Variants in SYNDIG1 observed in about 807,000 individuals in gnomAD.
SYNDIG1 encodes synapse differentiation-inducing gene protein 1.
In SYNDIG1, 9 loss-of-function variants were observed where a neutral mutation model predicts 19.4. That is an observed-to-expected ratio of 0.46 (90% CI 0.28 to 0.81). The LOEUF is 0.81. Among genes scored for constraint, SYNDIG1 ranks in the 30% least tolerant of loss-of-function variants. The pLI is 0.12. For synonymous variants in SYNDIG1, 141 were observed against 145.9 expected (o/e 0.97, Z 0.24); for missense variants, 311 against 343.3 (o/e 0.91, Z 0.74).
chr20:24,609,494 C>T (rs1352421599), intron 3 of SYNDIG1, among the ~76,000 whole-genome samples: 1 of 152,168 alleles, frequency 6.6e-6, no homozygotes, highest in Non-Finnish European at 1.5e-5. Flanking sequence ...TGCATTGTGG[C>T]AGCACTCAAG....
intron 3 of SYNDIG1, among the ~76,000 whole-genome samples, chr20:24,600,270 A>G (rs1274963899): frequency 6.6e-6 from 1 of 152,154 alleles, no homozygotes; most frequent in African/African-American, 2.4e-5. Context: ...CTTTGTGTTT[A>G]TTTATTTGTT....
chr20:24,576,645 G>A (rs2058232591), intron 2 of SYNDIG1, among the ~76,000 whole-genome samples: 1 of 152,158 alleles, frequency 6.6e-6, no homozygotes, highest in South Asian at 2.1e-4. Context: ...TCACAGACAT[G>A]AACTCTACCC....
At chr20:24,470,078 GC>G (rs1192526460) in intron 1 of SYNDIG1, among the ~76,000 whole-genome samples, 1 of 152,212 alleles carries the variant, frequency 6.6e-6, no homozygotes, top group African/African-American at 2.4e-5. Flanking sequence ...ACGCGAAGGG[GC>G]TGCTGTGCGA....
intron 3 of SYNDIG1, among the ~76,000 whole-genome samples, chr20:24,649,392 C>CA (rs1192608784): frequency 2.6e-5 from 4 of 152,184 alleles, no homozygotes. Context: ...TCATCCTTAG[C>CA]AACGATCTTT....
At chr20:24,521,428 A>G (rs1261236611) in intron 1 of SYNDIG1, among the ~76,000 whole-genome samples, 1 of 152,014 alleles carries the variant, frequency 6.6e-6, no homozygotes, top group Admixed American at 6.6e-5. Context: ...TGGCTGCTGT[A>G]TGGTAACTCA....
chr20:24,515,347 T>C (rs2056839465), intron 1 of SYNDIG1, among the ~76,000 whole-genome samples: 1 of 152,160 alleles, frequency 6.6e-6, no homozygotes, highest in Non-Finnish European at 1.5e-5. Flanking sequence ...GCTGGTTTTT[T>C]GAAAAGATCA....
chr20:24,644,419 T>G (rs1001822022), intron 3 of SYNDIG1, among the ~76,000 whole-genome samples: 1 of 152,262 alleles, frequency 6.6e-6, no homozygotes, highest in African/African-American at 2.4e-5. Flanking sequence ...ACCTCTTGAC[T>G]TAGTGCTTTG....
At chr20:24,659,532 C>T (rs1175049467) in intron 3 of SYNDIG1, among the ~76,000 whole-genome samples, 1 of 152,232 alleles carries the variant, frequency 6.6e-6, no homozygotes. Flanking sequence ...AGACAGGAGC[C>T]TTTCCCTTAG....
At chr20:24,627,222 G>A (rs1382003985) in intron 3 of SYNDIG1, among the ~76,000 whole-genome samples, 1 of 152,018 alleles carries the variant, frequency 6.6e-6, no homozygotes, top group Non-Finnish European at 1.5e-5. Context: ...AGAGAATGCT[G>A]TGAGCAACTC....
At chr20:24,590,669 T>TCCTGCAGCCGGATAGGCAGCA in intron 3 of SYNDIG1, among the ~76,000 whole-genome samples, 1 of 152,082 alleles carries the variant, frequency 6.6e-6, no homozygotes, top group Non-Finnish European at 1.5e-5. Flanking sequence ...ACCAGGGGTT[T>TCCTGCAGCCGGATAGGCAGCA]CCTGCAGCCG....
chr20:24,537,249 A>G (rs1445570156), intron 1 of SYNDIG1, among the ~76,000 whole-genome samples: 2 of 152,102 alleles, frequency 1.3e-5, no homozygotes, highest in Non-Finnish European at 2.9e-5. Flanking sequence ...CCTCTCTATT[A>G]CAGAAAATTT....
intron 3 of SYNDIG1, 60 bp downstream of exon 3, chr20:24,585,053 G>GCC: frequency 5.7e-5 from 37 of 647,910 alleles, no homozygotes; most frequent in East Asian, 8.7e-5. Context: ...GGGGGTGGGG[G>GCC]CGGCAATCCC....
intron 3 of SYNDIG1, among the ~76,000 whole-genome samples, chr20:24,636,717 A>T (rs1454546189): frequency 6.6e-6 from 1 of 152,204 alleles, no homozygotes; most frequent in Non-Finnish European, 1.5e-5. Context: ...GCATTCACCC[A>T]TGCAAGCTTC....
At chr20:24,493,424 C>T (rs1226143179) in intron 1 of SYNDIG1, among the ~76,000 whole-genome samples, 2 of 152,134 alleles carry the variant, frequency 1.3e-5, no homozygotes, top group Admixed American at 1.3e-4. Context: ...TTGGCACACA[C>T]AGGTACGCAC....
chr20:24,659,198 A>T (rs2059560021), intron 3 of SYNDIG1, among the ~76,000 whole-genome samples: 1 of 151,518 alleles, frequency 6.6e-6, no homozygotes, highest in South Asian at 2.1e-4. Flanking sequence ...AGCACTGGAC[A>T]TAACTCATTC....
At chr20:24,536,700 A>G (rs80349283) in intron 1 of SYNDIG1, among the ~76,000 whole-genome samples, 4,111 of 151,548 alleles carry the variant, frequency 0.027, 94 homozygotes, top group Admixed American at 0.074. Context: ...TTCATTCATC[A>G]CTCCTACTGC....
At chr20:24,618,193 G>C (rs1165881431) in intron 3 of SYNDIG1, among the ~76,000 whole-genome samples, 3 of 140,250 alleles carry the variant, frequency 2.1e-5, no homozygotes, top group Non-Finnish European at 4.7e-5. Flanking sequence ...AAGGGGGAGA[G>C]CCTGGGGAGG....
At chr20:24,521,714 A>G in intron 1 of SYNDIG1, among the ~76,000 whole-genome samples, 1 of 152,096 alleles carries the variant, frequency 6.6e-6, no homozygotes, top group South Asian at 2.1e-4. Context: ...CCTGGCCAAC[A>G]GGACAAAACC....
chr20:24,552,342 A>G (rs1288513959), intron 2 of SYNDIG1, among the ~76,000 whole-genome samples: 2 of 152,146 alleles, frequency 1.3e-5, no homozygotes, highest in Non-Finnish European at 2.9e-5. Context: ...GTTTTAGGGT[A>G]CATGTGCACA....
Sources: gnomAD v4.1 joint callset for allele counts (sites outside exome capture counted in the v4.1 genomes callset) on GRCh38, gnomAD v4.1.1 for gene constraint, MANE v1.5 for transcripts, NCBI Gene and HGNC (gene_info 2026-07-23, HGNC 2026-07-21) for gene names.